LPP: variants seen among roughly 807,000 people sequenced by gnomAD.
The protein encoded by LPP is LIM domain containing preferred translocation partner in lipoma.
A neutral mutation model predicts 60.4 loss-of-function variants in LPP; 38 were observed. The observed-to-expected ratio is 0.63, with a 90% CI of 0.49 to 0.83. The LOEUF is 0.83. Ranked by LOEUF, LPP falls within the 40% of genes least tolerant of loss-of-function variation. LPP has a pLI of 0.00. For missense variants in LPP, 902 were observed against 783.6 expected, an observed-to-expected ratio of 1.15 and a Z score of -1.80; for synonymous variants, 328 against 290.8, an observed-to-expected ratio of 1.13 and a Z score of -1.30.
At chr3:188,599,986 G>A (rs1235387209) in intron 6 of LPP, among the ~76,000 whole-genome samples, 4 of 151,768 alleles carry the variant, frequency 2.6e-5, no homozygotes, top group East Asian at 3.9e-4. Flanking sequence ...TTTCTTTAAT[G>A]TGGAAAATAA....
At chr3:188,470,977 C>T (rs543020665) in intron 4 of LPP, among the ~76,000 whole-genome samples, 1 of 152,212 alleles carries the variant, frequency 6.6e-6, no homozygotes, top group Non-Finnish European at 1.5e-5. Flanking sequence ...CATAAGAGGC[C>T]CATCCAGTTA....
chr3:188,797,115 C>CCGTCCT (rs1553851056), intron 9 of LPP, among the ~76,000 whole-genome samples: 1 of 149,650 alleles, frequency 6.7e-6, no homozygotes, highest in African/African-American at 2.5e-5. Flanking sequence ...AGCTCTTTTC[C>CCGTCCT]CCTCCTCCTC....
At chr3:188,853,013 A>G (rs1763023445) in intron 9 of LPP, among the ~76,000 whole-genome samples, 1 of 152,044 alleles carries the variant, frequency 6.6e-6, no homozygotes, top group Non-Finnish European at 1.5e-5. Flanking sequence ...TGGTGAGCAC[A>G]GTGTCGGGCA....
At chr3:188,366,510 C>T (rs1031953229) in intron 3 of LPP, among the ~76,000 whole-genome samples, 9 of 152,108 alleles carry the variant, frequency 5.9e-5, no homozygotes, top group African/African-American at 1.2e-4. Flanking sequence ...TTCCTCAATG[C>T]GTCATTTCTT....
chr3:188,652,588 T>C (rs917606401), intron 7 of LPP, among the ~76,000 whole-genome samples: 1 of 152,196 alleles, frequency 6.6e-6, no homozygotes, highest in Non-Finnish European at 1.5e-5. Context: ...TTCTAAATTC[T>C]GGGGAATATC....
In LPP at chr3:188,490,751, A is replaced by ATTTTTTTTTTTTTT. The variant is rs58700818; in HGVS notation, c.306+6055_306+6068dup. ...AAGTTTTAGCAAAACTGGCACTGGA[A>ATTTTTTTTTTTTTT]TTTTTTTTTTTTTTTTTTTTTGGGA... is the stretch of plus-strand genomic sequence containing the variant. On this transcript the variant is annotated intron_variant, in intron 5 of 11. Transcript: ENST00000617246. Among the ~76,000 whole-genome samples the ATTTTTTTTTTTTTT allele has an allele frequency of 4.1e-4, 38 of 91,738 alleles. 2 individuals are homozygous for ATTTTTTTTTTTTTT. Among genetic ancestry groups the ATTTTTTTTTTTTTT allele is most frequent in the African/African-American group, 8.3e-4 (21 of 25,380 alleles). 60.2% of individuals were successfully genotyped at this position (91,738 alleles called of 152,430 possible).
chr3:188,238,841 G>T (rs1722819293), intron 2 of LPP, among the ~76,000 whole-genome samples: 1 of 152,168 alleles, frequency 6.6e-6, no homozygotes, highest in South Asian at 2.1e-4. Flanking sequence ...TGGAAAAATT[G>T]TACCTAAAGA....
intron 7 of LPP, among the ~76,000 whole-genome samples, chr3:188,702,755 A>G (rs1282073665): frequency 6.6e-6 from 1 of 152,202 alleles, no homozygotes; most frequent in Non-Finnish European, 1.5e-5. Context: ...TTTTAAGAGA[A>G]AGGTTTGCTT....
intron 6 of LPP, among the ~76,000 whole-genome samples, chr3:188,578,754 C>A (rs535301560): frequency 6.6e-6 from 1 of 152,208 alleles, no homozygotes; most frequent in Admixed American, 6.5e-5. Flanking sequence ...CCGTGGTGCA[C>A]TGAGTCACAA....
intron 6 of LPP, among the ~76,000 whole-genome samples, chr3:188,608,487 A>C (rs1174592940): frequency 1.5e-5 from 2 of 136,918 alleles, no homozygotes; most frequent in East Asian, 4.5e-4. Context: ...GACTGTATAC[A>C]CGTGGATATA....
At chr3:188,714,642 C>G (rs1328608717) in intron 8 of LPP, among the ~76,000 whole-genome samples, 2 of 151,834 alleles carry the variant, frequency 1.3e-5, no homozygotes, top group East Asian at 3.9e-4. Flanking sequence ...TCCATGCCTT[C>G]TTTTGTCCAT....
At chr3:188,258,719 G>A (rs555156999) in intron 2 of LPP, among the ~76,000 whole-genome samples, 9 of 152,252 alleles carry the variant, frequency 5.9e-5, no homozygotes, top group East Asian at 1.9e-4. Flanking sequence ...TCTAAGATTC[G>A]TCTAGAGAAG....
rs774503491 is a variant in LPP at position 188,223,089 on chromosome 3, TC to T, written c.-189-2313del. Among the ~76,000 whole-genome samples the T allele has an allele frequency of 7.2e-4, 109 of 152,280 alleles. 1 individual carries two copies. Among genetic ancestry groups the T allele is most frequent in the African/African-American group, 2.6e-3 (106 of 41,554 alleles). ...AAATACTCAAGGCCAACTCCATCATTCCCTTTTGGGAATTCGGTGCTTCAGC... is the reference window on the plus strand; with the variant it reads ...AAATACTCAAGGCCAACTCCATCATTCCTTTTGGGAATTCGGTGCTTCAGC... On this transcript the variant is annotated intron_variant, in intron 1 of 11. Coordinates refer to ENST00000617246, the MANE Select transcript of LPP (RefSeq NM_001375462.1).
In LPP at chr3:188,290,211, A is replaced by G. The variant is rs114285486; in HGVS notation, c.-66-51452A>G. 5.6e-3 allele frequency among the ~76,000 whole-genome samples: 851 copies of G among 152,242 alleles called. 8 individuals carry two copies. The highest frequency in any genetic ancestry group is 0.02 in the African/African-American group (811 of 41,554). On this transcript the variant is annotated intron_variant, in intron 2 of 11. Coordinates refer to ENST00000617246, the MANE Select transcript of LPP (RefSeq NM_001375462.1). ...AGCTGGTCTCGATCTCCTGACTTCA[A>G]GTGGTCTGACTGCCTTAGCCTCCCA...
At chr3:188,365,074 G>GT (rs942118421) in intron 3 of LPP, among the ~76,000 whole-genome samples, 11 of 150,112 alleles carry the variant, frequency 7.3e-5, no homozygotes, top group African/African-American at 2.7e-4. Flanking sequence ...TCCTCCTTAT[G>GT]TTTTTTTCCT....
intron 6 of LPP, among the ~76,000 whole-genome samples, chr3:188,606,742 G>A (rs1842450193): frequency 6.6e-6 from 1 of 152,038 alleles, no homozygotes; most frequent in African/African-American, 2.4e-5. Flanking sequence ...TTTGAACCTA[G>A]AAAAAATTTA....
chr3:188,489,843 G>A (rs1458720421), intron 5 of LPP, among the ~76,000 whole-genome samples: 1 of 152,090 alleles, frequency 6.6e-6, no homozygotes, highest in Non-Finnish European at 1.5e-5. Flanking sequence ...ACTTCCAGTT[G>A]ACAACTTCTA....
intron 7 of LPP, among the ~76,000 whole-genome samples, chr3:188,634,955 G>A (rs1848459789): frequency 6.6e-6 from 1 of 152,036 alleles, no homozygotes; most frequent in South Asian, 2.1e-4. Flanking sequence ...AAAGGTTGGG[G>A]ACCACTGGCA....
chr3:188,242,384 A>G (rs942196316), intron 2 of LPP, among the ~76,000 whole-genome samples: 1 of 148,718 alleles, frequency 6.7e-6, no homozygotes, highest in African/African-American at 2.5e-5. Context: ...AGAGAGAGAC[A>G]GAGAGAGAGA....
Sources: gnomAD v4.1 joint callset for allele counts (sites outside exome capture counted in the v4.1 genomes callset) on GRCh38, gnomAD v4.1.1 for gene constraint, MANE v1.5 for transcripts, NCBI Gene and HGNC (gene_info 2026-07-23, HGNC 2026-07-21) for gene names.